ZFP1: variants seen among roughly 807,000 people sequenced by gnomAD.
ZFP1 encodes the protein ZFP1 zinc finger protein.
A neutral mutation model predicts 38.5 loss-of-function variants in ZFP1; 32 were observed. The ratio of observed to expected loss-of-function variants is 0.83; its 90% CI spans 0.63 to 1.12. The LOEUF (loss-of-function observed/expected upper bound fraction) is 1.12. Among genes scored for constraint, ZFP1 ranks in the 50% most tolerant of loss-of-function variants. The pLI is 0.00. For synonymous variants in ZFP1, 245 were observed against 168.8 expected, an observed-to-expected ratio of 1.45 and a Z score of -3.50; for missense variants, 616 against 480.8, an observed-to-expected ratio of 1.28 and a Z score of -2.63.
At position 75,170,513 on chromosome 16, in the gene ZFP1, C is replaced by T; in HGVS notation, c.*179C>T. ...TATACTGGAAGTTACATGTGATACC[C>T]AGCTAAAGAATACATATCAGAATAT... On this transcript the variant is annotated 3_prime_UTR_variant, in exon 4 of 4. Coordinates refer to ENST00000570010, the MANE Select transcript of ZFP1 (RefSeq NM_153688.4). 1 of 899,168 alleles carries T rather than the reference C, an allele frequency of 1.1e-6. No homozygotes were observed. Among genetic ancestry groups the T allele is most frequent in the Non-Finnish European group, 1.5e-6 (1 of 649,048 alleles). The allele number at this position is 899,168 out of a possible 1,614,324, so 55.7% of individuals were successfully genotyped here.
chr16:75,137,145 G>A, the ZFP1 span, among the ~76,000 whole-genome samples: 1 of 152,172 alleles, frequency 6.6e-6, no homozygotes, highest in Non-Finnish European at 1.5e-5. Context: ...TGTAATGTCA[G>A]AAAGTAAGAG....
the ZFP1 span, among the ~76,000 whole-genome samples, chr16:75,125,364 C>T: frequency 6.6e-6 from 1 of 152,180 alleles, no homozygotes. Context: ...TCTTGTCGCC[C>T]AGGCTGGTGT....
chr16:75,152,539 A>T (rs150166534), intron 1 of ZFP1, among the ~76,000 whole-genome samples: 3 of 152,174 alleles, frequency 2.0e-5, no homozygotes, highest in Non-Finnish European at 2.9e-5. Flanking sequence ...TGCAGTTTCC[A>T]TCTCTGCTGA....
chr16:75,137,126 G>A, the ZFP1 span, among the ~76,000 whole-genome samples: 4 of 152,028 alleles, frequency 2.6e-5, no homozygotes, highest in Non-Finnish European at 5.9e-5. Context: ...AGATGGCCCT[G>A]GATTATCTTG....
In ZFP1 at chr16:75,169,758, A is replaced by G. The variant is rs745989689; in HGVS notation, c.648A>G (p.Val216=). ...GAGAAAAGCCATATGAATGCAATGT[A>G]TGTAAGAAAACCTTCTCCCATAAGG... The part of the protein sequence containing the change: ...HTGEKPYECN[V]CKKTFSHKAN... Residue 216 remains valine, a synonymous_variant, in exon 4 of 4, where the codon GTA becomes GTG. Coordinates refer to ENST00000570010, the MANE Select transcript of ZFP1 (RefSeq NM_153688.4). The G allele has an allele frequency of 3.7e-6, 6 of 1,613,576 alleles. No homozygotes were observed. Among genetic ancestry groups the G allele is most frequent in the Middle Eastern group, 1.7e-4 (1 of 6,054 alleles).
upstream of ZFP1, among the ~76,000 whole-genome samples, chr16:75,144,515 C>A (rs1481884192): frequency 6.6e-6 from 1 of 152,166 alleles, no homozygotes; most frequent in Non-Finnish European, 1.5e-5. Context: ...CTTGTATATA[C>A]ATCTTTCCAT....
At chr16:75,152,259 T>A (rs904571920) in intron 1 of ZFP1, among the ~76,000 whole-genome samples, 1 of 151,296 alleles carries the variant, frequency 6.6e-6, no homozygotes, top group Admixed American at 6.6e-5. Flanking sequence ...CATATTATTA[T>A]TTTTGGAAAA....
At chr16:75,154,826 C>G (rs924546789) in intron 2 of ZFP1, among the ~76,000 whole-genome samples, 7 of 152,012 alleles carry the variant, frequency 4.6e-5, no homozygotes, top group African/African-American at 1.7e-4. Flanking sequence ...GAGATGGAGT[C>G]TTGCTCTGTC....
At chr16:75,130,265 T>C in the ZFP1 span, among the ~76,000 whole-genome samples, 1 of 152,124 alleles carries the variant, frequency 6.6e-6, no homozygotes, top group Non-Finnish European at 1.5e-5. Context: ...CCTCCCAAAA[T>C]GCTGGGATTA....
At chr16:75,166,252 TG>T (rs1400137012) in intron 2 of ZFP1, among the ~76,000 whole-genome samples, 2 of 152,218 alleles carry the variant, frequency 1.3e-5, no homozygotes, top group Admixed American at 1.3e-4. Flanking sequence ...GTTTATTTTT[TG>T]AGACAGTCTT....
At chr16:75,155,629 A>T (rs947200947) in intron 2 of ZFP1, among the ~76,000 whole-genome samples, 10 of 152,214 alleles carry the variant, frequency 6.6e-5, no homozygotes, top group Non-Finnish European at 1.3e-4. Context: ...TTAAAGAATA[A>T]TAATAAAATG....
chr16:75,170,331 C>A lies in ZFP1; in HGVS notation c.1221C>A (p.Pro407=). 2 of 1,567,882 alleles carry A rather than the reference C, an allele frequency of 1.3e-6. No individual in the cohort carries two copies. The highest frequency in any genetic ancestry group is 1.2e-5 in the South Asian group (1 of 83,428). ...VHQRVHIGEK[P] Reference sequence around the variant, plus strand: ...AGAGAGTTCACATCGGGGAGAAACCCTGAAACTCCAGCCAGGTCTTACTGT... The same window carrying A: ...AGAGAGTTCACATCGGGGAGAAACCATGAAACTCCAGCCAGGTCTTACTGT... Residue 407 remains proline (P), a synonymous_variant, in exon 4 of 4, where the codon CCC becomes CCA. Transcript: ENST00000570010.
chr16:75,121,848 A>G, the ZFP1 span, among the ~76,000 whole-genome samples: 6 of 152,242 alleles, frequency 3.9e-5, no homozygotes, highest in Non-Finnish European at 8.8e-5. Context: ...TAGCCTTAAA[A>G]TTACTGGTAA....
At chr16:75,126,840 G>C in the ZFP1 span, among the ~76,000 whole-genome samples, 1 of 152,144 alleles carries the variant, frequency 6.6e-6, no homozygotes, top group African/African-American at 2.4e-5. Flanking sequence ...CTTTTAAAAT[G>C]TTATTAATAG....
the ZFP1 span, among the ~76,000 whole-genome samples, chr16:75,125,723 T>G: frequency 6.6e-6 from 1 of 152,164 alleles, no homozygotes; most frequent in Non-Finnish European, 1.5e-5. Context: ...CTAGGGCTTA[T>G]CATTTAAATC....
At chr16:75,123,839 C>A in the ZFP1 span, among the ~76,000 whole-genome samples, 1 of 151,182 alleles carries the variant, frequency 6.6e-6, no homozygotes, top group Non-Finnish European at 1.5e-5. Context: ...CACCTGTAAT[C>A]CCAGCACTTT....
chr16:75,121,763 G>A, the ZFP1 span, among the ~76,000 whole-genome samples: 1 of 152,116 alleles, frequency 6.6e-6, no homozygotes. Flanking sequence ...CGAATGAAAT[G>A]CTTTATCAGG....
At chr16:75,147,196 A>G (rs2036962212), upstream of ZFP1, among the ~76,000 whole-genome samples, 3 of 152,142 alleles carry the variant, frequency 2.0e-5, no homozygotes, top group Admixed American at 6.6e-5. Context: ...CGATACTGTA[A>G]TGGTTACAGG....
intron 2 of ZFP1, among the ~76,000 whole-genome samples, chr16:75,153,857 G>T (rs1189792872): frequency 6.6e-6 from 1 of 152,128 alleles, no homozygotes; most frequent in East Asian, 1.9e-4. Flanking sequence ...CTCTCCCTCT[G>T]TCTCCCTAAG....
Sources: allele counts gnomAD v4.1 joint callset (sites outside exome capture counted in the v4.1 genomes callset), GRCh38; gene constraint gnomAD v4.1.1; transcripts MANE v1.5; gene names NCBI Gene and HGNC (gene_info 2026-07-23, HGNC 2026-07-21).